The following ARHGAP24 variants were observed in gnomAD, a reference collection of about 807,000 sequenced individuals.
ARHGAP24 encodes rho GTPase-activating protein 24.
A neutral mutation model predicts 76.4 loss-of-function variants in ARHGAP24; 50 were observed. The observed-to-expected ratio is 0.65, with a 90% confidence interval of 0.52 to 0.83. The LOEUF (loss-of-function observed/expected upper bound fraction) is 0.83. Ranked by LOEUF, ARHGAP24 falls within the 40% of genes least tolerant of loss-of-function variation. The pLI, the probability that ARHGAP24 is intolerant of heterozygous loss-of-function variation, is 0.00. For missense variants in ARHGAP24, 930 were observed against 914.2 expected (o/e 1.02, Z -0.22); for synonymous variants, 345 against 323.3 (o/e 1.07, Z -0.72).
intron 3 of ARHGAP24, among the ~76,000 whole-genome samples, chr4:85,893,750 T>C (rs1387247170): frequency 6.6e-6 from 1 of 150,886 alleles, no homozygotes; most frequent in African/African-American, 2.4e-5. Context: ...TGATGGGCTT[T>C]CCTTTGAGGG....
At chr4:85,567,682 A>G (rs761006085) in intron 1 of ARHGAP24, among the ~76,000 whole-genome samples, 1 of 152,190 alleles carries the variant, frequency 6.6e-6, no homozygotes, top group Non-Finnish European at 1.5e-5. Flanking sequence ...CACTTATGGA[A>G]TTACAGAGAT....
intron 2 of ARHGAP24, among the ~76,000 whole-genome samples, chr4:85,630,762 T>G (rs1232638836): frequency 1.3e-5 from 2 of 151,932 alleles, no homozygotes; most frequent in Admixed American, 6.6e-5. Context: ...AAAGAATTAT[T>G]TAAAATATTT....
At chr4:85,642,816 G>T (rs1464199981) in intron 2 of ARHGAP24, among the ~76,000 whole-genome samples, 15 of 152,084 alleles carry the variant, frequency 9.9e-5, no homozygotes, top group Admixed American at 9.8e-4. Flanking sequence ...TGTAAAACTT[G>T]TCAGATCATG....
At chr4:85,779,790 G>A (rs1238298878) in intron 3 of ARHGAP24, among the ~76,000 whole-genome samples, 2 of 152,038 alleles carry the variant, frequency 1.3e-5, no homozygotes, top group African/African-American at 4.8e-5. Context: ...CATTCCAGGT[G>A]TCACTCTTTC....
At chr4:85,612,321 G>A (rs1720416440) in intron 2 of ARHGAP24, among the ~76,000 whole-genome samples, 1 of 133,846 alleles carries the variant, frequency 7.5e-6, no homozygotes, top group Non-Finnish European at 1.7e-5. Flanking sequence ...GGAGGCTGAG[G>A]CAGGAGAATG....
intron 2 of ARHGAP24, among the ~76,000 whole-genome samples, chr4:85,650,661 A>T (rs4693727): frequency 0.36 from 53,003 of 148,552 alleles, 11,865 homozygotes; most frequent in East Asian, 0.84. Context: ...GTAGAATGCA[A>T]TTTGTGAATA....
intron 2 of ARHGAP24, among the ~76,000 whole-genome samples, chr4:85,587,903 A>C (rs1209916311): frequency 6.6e-6 from 1 of 152,220 alleles, no homozygotes; most frequent in Non-Finnish European, 1.5e-5. Flanking sequence ...GTAACCTACT[A>C]TGAGGAAAAT....
intron 2 of ARHGAP24, among the ~76,000 whole-genome samples, chr4:85,620,468 G>A (rs780600859): frequency 5.3e-5 from 8 of 151,630 alleles, no homozygotes; most frequent in Non-Finnish European, 7.4e-5. Flanking sequence ...TTTTATGATC[G>A]TTTGTAGTTT....
chr4:85,811,306 T>G (rs1729002157), intron 3 of ARHGAP24, among the ~76,000 whole-genome samples: 1 of 152,230 alleles, frequency 6.6e-6, no homozygotes, highest in Non-Finnish European at 1.5e-5. Flanking sequence ...GATGCAAATT[T>G]TAAAGCTTCC....
chr4:85,994,864 A>G lies in ARHGAP24; in HGVS notation c.1210A>G (p.Lys404Glu), dbSNP rs143966591. ...ALSGSKTNSPKNSVHKLDVSR... is the reference protein window; with the variant it reads ...ALSGSKTNSPENSVHKLDVSR... Reference sequence around the variant, plus strand: ...ATCAGGCAGCAAAACCAACAGCCCAAAGAACAGTGTTCACAAGCTAGATGT... The same window carrying G: ...ATCAGGCAGCAAAACCAACAGCCCAGAGAACAGTGTTCACAAGCTAGATGT... Residue 404 changes from lysine (K) to glutamate (E), a missense_variant, in exon 9 of 10, where the codon AAG (lysine) becomes GAG (glutamate). By Grantham distance (56) the Lys-to-Glu change is moderately conservative (BLOSUM62 1). Coordinates refer to ENST00000395184, the MANE Select transcript of ARHGAP24 (RefSeq NM_001025616.3). 2 of 1,614,116 alleles carry G rather than the reference A, an allele frequency of 1.2e-6. No individual in the cohort carries two copies. The highest frequency in any genetic ancestry group is 1.7e-6 in the Non-Finnish European group (2 of 1,180,022).
chr4:85,598,393 AC>A (rs942258393), intron 2 of ARHGAP24, among the ~76,000 whole-genome samples: 7 of 151,834 alleles, frequency 4.6e-5, no homozygotes, highest in African/African-American at 1.7e-4. Flanking sequence ...TTCTCTTAAC[AC>A]CCTCTCTTTC....
chr4:85,802,897 T>C (rs759851030), intron 3 of ARHGAP24, among the ~76,000 whole-genome samples: 1 of 152,210 alleles, frequency 6.6e-6, no homozygotes, highest in African/African-American at 2.4e-5. Flanking sequence ...ATAATTTGTA[T>C]GGTAAGTCGA....
At chr4:85,970,182 G>A (rs1469057971) in intron 5 of ARHGAP24, among the ~76,000 whole-genome samples, 1 of 152,096 alleles carries the variant, frequency 6.6e-6, no homozygotes, top group Non-Finnish European at 1.5e-5. Context: ...TCTGGGCTCT[G>A]ACCTTCTTAG....
chr4:85,955,721 C>A (rs1403384241), intron 5 of ARHGAP24, among the ~76,000 whole-genome samples: 1 of 152,170 alleles, frequency 6.6e-6, no homozygotes, highest in Non-Finnish European at 1.5e-5. Flanking sequence ...TGATGTAACT[C>A]TGTTTCTTAT....
chr4:85,526,514 T>C (rs1725003183), intron 1 of ARHGAP24, among the ~76,000 whole-genome samples: 1 of 152,078 alleles, frequency 6.6e-6, no homozygotes, highest in Non-Finnish European at 1.5e-5. Flanking sequence ...GGGTGTTATA[T>C]ACTAATGGTA....
intron 3 of ARHGAP24, among the ~76,000 whole-genome samples, chr4:85,829,875 A>G (rs1729901510): frequency 6.6e-6 from 1 of 152,238 alleles, no homozygotes. Context: ...AATCATAATC[A>G]GTGTATACAG....
intron 2 of ARHGAP24, among the ~76,000 whole-genome samples, chr4:85,692,108 A>G (rs907987163): frequency 6.6e-6 from 1 of 152,120 alleles, no homozygotes; most frequent in South Asian, 2.1e-4. Flanking sequence ...TGGGATATAA[A>G]ATTCTTGGTT....
chr4:85,484,403 A>C (rs893100176), intron 1 of ARHGAP24, among the ~76,000 whole-genome samples: 2 of 152,166 alleles, frequency 1.3e-5, no homozygotes, highest in Non-Finnish European at 1.5e-5. Context: ...GCAGATGGGA[A>C]ATTGGAAATG....
intron 3 of ARHGAP24, among the ~76,000 whole-genome samples, chr4:85,904,207 C>A (rs1157971305): frequency 1.3e-5 from 2 of 152,098 alleles, no homozygotes; most frequent in Non-Finnish European, 1.5e-5. Context: ...AGCATAGCAG[C>A]ATCTGCTTCT....
Sources: gnomAD v4.1 joint callset for allele counts (sites outside exome capture counted in the v4.1 genomes callset) on GRCh38, gnomAD v4.1.1 for gene constraint, MANE v1.5 for transcripts, NCBI Gene and HGNC (gene_info 2026-07-23, HGNC 2026-07-21) for gene names.